Variants in TBL3 observed in about 807,000 individuals in gnomAD.
TBL3 encodes the protein transducin beta like 3.
TBL3 carries 71 observed loss-of-function variants against 102.7 expected under a neutral mutation model. That is an observed-to-expected ratio of 0.69 (90% CI 0.57 to 0.84). TBL3 has a LOEUF of 0.84. Among genes scored for constraint, TBL3 ranks in the 40% least tolerant of loss-of-function variants. The pLI, the probability that TBL3 is intolerant of heterozygous loss-of-function variation, is 0.00. For missense variants in TBL3, 1,188 were observed against 1,098.5 expected (o/e 1.08, Z -1.15); for synonymous variants, 578 against 477.7 (o/e 1.21, Z -2.74).
rs754548494 is a variant in TBL3, at chr16:1,979,518, G to A, written c.*833G>A. ...CTCATCTGCGCGGCTGCTCTCGTAG[G>A]CGCGGGAAGCACAGAACTGGGGACC... On this transcript the variant is annotated 3_prime_UTR_variant, in exon 22 of 22. Transcript: ENST00000568546. 2 of 1,611,320 alleles carry A rather than the reference G, an allele frequency of 1.2e-6. No individual in the cohort carries two copies. The highest frequency in any genetic ancestry group is 1.7e-5 in the Admixed American group (1 of 59,878).
intron 19 of TBL3, 35 bp from the exon 20 acceptor site, chr16:1,978,114 T>C: frequency 6.2e-7 from 1 of 1,611,370 alleles, no homozygotes; most frequent in Non-Finnish European, 8.5e-7. Flanking sequence ...CACTGGGCTC[T>C]GCTTTCCCCA....
Position 1,980,452 on chromosome 16 carries a change from CA to C in TBL3, c.*1768del. 6.2e-7 allele frequency: 1 copy of C among 1,601,824 alleles called. No individual in the cohort carries two copies. Among genetic ancestry groups the C allele is most frequent in the South Asian group, 1.1e-5 (1 of 91,068 alleles). On this transcript the variant is annotated 3_prime_UTR_variant, in exon 22 of 22. Transcript: ENST00000568546. ...GTCGGGCTCCGTGCCACGCGCTCTG[CA>C]GTCGCCAGCAGCCTCCGAGAATAGG... is the stretch of plus-strand genomic sequence containing the variant.
intron 4 of TBL3, 22 bp downstream of exon 4, chr16:1,974,445 G>A (rs1473957455): frequency 6.3e-7 from 1 of 1,599,896 alleles, no homozygotes; most frequent in Non-Finnish European, 8.5e-7. Flanking sequence ...GGGGCCTGGA[G>A]GGGACCCGCT....
At position 1,977,734 on chromosome 16, in the gene TBL3, A is replaced by G; in HGVS notation, c.1900-8A>G. The G allele has an allele frequency of 6.4e-7, 1 of 1,553,104 alleles. No individual in the cohort carries two copies. Among genetic ancestry groups the G allele is most frequent in the Non-Finnish European group, 8.7e-7 (1 of 1,147,752 alleles). The stretch of plus-strand genomic sequence containing the variant: ...TGGAGGCCCCATCTGACCCTAGTCT[A>G]ACCCCAGGATGTGACCGAGGCGGAG... On this transcript the variant is annotated splice_polypyrimidine_tract_variant and splice_region_variant and intron_variant, in intron 17 of 21. Coordinates refer to ENST00000568546, the MANE Select transcript of TBL3 (RefSeq NM_006453.3).
Position 1,980,679 on chromosome 16 carries a change from T to G in TBL3, c.*1994T>G. 3 of 1,607,118 alleles carry G rather than the reference T, an allele frequency of 1.9e-6. No homozygotes were observed. The highest frequency in any genetic ancestry group is 1.7e-6 in the Non-Finnish European group (2 of 1,177,250). ...ACCGAGAAGCTTTGGGAGAACGCGG[T>G]CAGATCTCCGCAGCAGGCCCGCCTC... On this transcript the variant is annotated 3_prime_UTR_variant, in exon 22 of 22. Coordinates refer to ENST00000568546, the MANE Select transcript of TBL3 (RefSeq NM_006453.3).
In TBL3 at chr16:1,975,009, G is replaced by A. The variant is rs2083388785; in HGVS notation, c.546G>A (p.Leu182=). The change falls in exon 7 of 22, where the codon CTG becomes CTA. Residue 182 remains leucine, a synonymous_variant. Transcript: ENST00000568546. ...ATGCCGCCATCCGCGTGTGGTCACT[G>A]CAGGACCGGTCATGCCTGGCTGTGC... is the stretch of plus-strand genomic sequence containing the variant. The part of the protein sequence containing the change: ...ATDAAIRVWS[L]QDRSCLAVLT... The A allele has an allele frequency of 1.9e-6, 3 of 1,607,280 alleles. No individual in the cohort carries two copies. The highest frequency in any genetic ancestry group is 2.5e-6 in the Non-Finnish European group (3 of 1,179,980).
chr16:1,974,155 G>T (rs781236489), intron 2 of TBL3, 42 bp from the exon 3 acceptor site: 5 of 1,565,134 alleles, frequency 3.2e-6, no homozygotes, highest in Non-Finnish European at 2.6e-6. Flanking sequence ...GAGGCCGCGG[G>T]GGGTGCTGAA....
In TBL3 at chr16:1,980,372, G is replaced by T. The variant is rs749740190; in HGVS notation, c.*1687G>T. 6.2e-7 allele frequency: 1 copy of T among 1,600,494 alleles called. No homozygotes were observed. ...GTTTGGGGCGAGTCAGGCACCTGCC[G>T]GGTGGCAGCGCGGGCTCCAGGTCCA... On this transcript the variant is annotated 3_prime_UTR_variant, in exon 22 of 22. Transcript: ENST00000568546.
At chr16:1,977,825 TC>T in intron 18 of TBL3, 25 bp downstream of exon 18, 1 of 1,559,388 alleles carries the variant, frequency 6.4e-7, no homozygotes, top group South Asian at 1.2e-5. Flanking sequence ...GTGGCGCCCC[TC>T]CCCGCATCAG....
In TBL3 at chr16:1,980,534, C is replaced by A; in HGVS notation, c.*1849C>A. On this transcript the variant is annotated 3_prime_UTR_variant, in exon 22 of 22. Coordinates refer to ENST00000568546, the MANE Select transcript of TBL3 (RefSeq NM_006453.3). The stretch of plus-strand genomic sequence containing the variant: ...GGCTCGTGCGCCCCACGCGTCCCAA[C>A]AGTGGTGCATCTTAAGGCACCACAA... 6.2e-7 allele frequency: 1 copy of A among 1,603,770 alleles called. No homozygotes were observed.
At position 1,978,920 on chromosome 16, in the gene TBL3, T is replaced by C; in HGVS notation, c.*235T>C. 8 of 1,120,562 alleles carry C rather than the reference T, an allele frequency of 7.1e-6. No homozygotes were observed. The South Asian group carries it at 7.2e-5, about 10-fold the overall frequency. 69.4% of individuals were successfully genotyped at this position (1,120,562 alleles called of 1,614,324 possible). A position where few individuals can be genotyped will look rare whatever the true frequency, so the allele number is the denominator to read the frequency against. ...CCGCACGCTTAGACGGTGGGGGTCATGCAGAACAAGCTTTACTCAGAGGAA... is the reference window on the plus strand; with the variant it reads ...CCGCACGCTTAGACGGTGGGGGTCACGCAGAACAAGCTTTACTCAGAGGAA... On this transcript the variant is annotated 3_prime_UTR_variant, in exon 22 of 22. Coordinates refer to ENST00000568546, the MANE Select transcript of TBL3 (RefSeq NM_006453.3).
chr16:1,980,393 G>C lies in TBL3; in HGVS notation c.*1708G>C, dbSNP rs1265856300. 1.5e-5 allele frequency: 24 copies of C among 1,602,836 alleles called. No homozygotes were observed. The highest frequency in any genetic ancestry group is 1.9e-5 in the Non-Finnish European group (23 of 1,179,776). On this transcript the variant is annotated 3_prime_UTR_variant, in exon 22 of 22. Transcript: ENST00000568546. Reference sequence around the variant, plus strand: ...TGCCGGGTGGCAGCGCGGGCTCCAGGTCCAGGGGTTGCGGTGCGAAGAAGC... The same window carrying C: ...TGCCGGGTGGCAGCGCGGGCTCCAGCTCCAGGGGTTGCGGTGCGAAGAAGC...
At chr16:1,974,455 T>C (rs2083383065) in intron 4 of TBL3, 32 bp downstream of exon 4, 1 of 1,593,658 alleles carries the variant, frequency 6.3e-7, no homozygotes, top group Non-Finnish European at 8.5e-7. Flanking sequence ...GGGGACCCGC[T>C]CCAGCGCCTC....
In TBL3 at chr16:1,976,276, C is replaced by T. The variant is rs558798562; in HGVS notation, c.1254C>T (p.Ser418=). 51 of 1,613,908 alleles carry T rather than the reference C, an allele frequency of 3.2e-5. No homozygotes were observed. The highest frequency in any genetic ancestry group is 3.6e-5 in the Non-Finnish European group (43 of 1,180,000). Residue 418 remains serine, a synonymous_variant, in exon 13 of 22, where the codon TCC becomes TCT. Transcript: ENST00000568546. ...AGGTGATGTGCGTGGCTCAGGGTTC[C>T]GGTCACACACACAGTGTGGGCACCG... ...AGQVMCVAQG[S]GHTHSVGTVC...
rs1048006528 is a variant in TBL3, at chr16:1,981,442, C to T, written c.*2757C>T. 1.3e-5 allele frequency: 11 copies of T among 823,742 alleles called. No individual in the cohort carries two copies. Among genetic ancestry groups the T allele is most frequent in the Non-Finnish European group, 2.0e-5 (11 of 554,772 alleles). The allele number at this position is 823,742 out of a possible 1,614,324, so 51.0% of individuals were successfully genotyped here. A position where few individuals can be genotyped will look rare whatever the true frequency, so the allele number is the denominator to read the frequency against. On this transcript the variant is annotated 3_prime_UTR_variant, in exon 22 of 22. Coordinates refer to ENST00000568546, the MANE Select transcript of TBL3 (RefSeq NM_006453.3). ...TGCTGGGAGGAAGAAGAAGAATGAG[C>T]TTTCCAGCCCTGGAGGCGTGCAAGA...
rs147673860 is a variant in TBL3 at position 1,975,641 on chromosome 16, G to C, written c.918G>C (p.Val306=). The change falls in exon 10 of 22, where the codon GTG becomes GTC. Residue 306 remains valine (V), a synonymous_variant. Transcript: ENST00000568546. ...THCTLAHTAG[V]VLTATADHNL... ...GCACCCTGGCACACACCGCCGGCGT[G>C]GTCCTCACCGCCACCGCCGACCACA... is the stretch of plus-strand genomic sequence containing the variant. 2 of 1,605,576 alleles carry C rather than the reference G, an allele frequency of 1.2e-6. No individual in the cohort carries two copies. The highest frequency in any genetic ancestry group is 1.1e-5 in the South Asian group (1 of 91,052).
chr16:1,982,591 C>A lies in TBL3; in HGVS notation c.*3906C>A. 1 of 152,472 alleles carries A rather than the reference C, an allele frequency of 6.6e-6. No individual in the cohort carries two copies. 9.4% of individuals were successfully genotyped at this position (152,472 alleles called of 1,614,324 possible). A position where few individuals can be genotyped will look rare whatever the true frequency, so the allele number is the denominator to read the frequency against. ...CTTTTCTTGCCTGAATAGTACACCC[C>A]ACCCTCCATCTGTATGCTCCTCACT... On this transcript the variant is annotated 3_prime_UTR_variant, in exon 22 of 22. Coordinates refer to ENST00000568546, the MANE Select transcript of TBL3 (RefSeq NM_006453.3).
At position 1,981,642 on chromosome 16, in the gene TBL3, T is replaced by C. The variant is rs2083512638; in HGVS notation, c.*2957T>C. 1 of 180,806 alleles carries C rather than the reference T, an allele frequency of 5.5e-6. No homozygotes were observed. The highest frequency in any genetic ancestry group is 1.2e-5 in the Non-Finnish European group (1 of 84,884). The allele number at this position is 180,806 out of a possible 1,614,324, so 11.2% of individuals were successfully genotyped here. On this transcript the variant is annotated 3_prime_UTR_variant, in exon 22 of 22. Transcript: ENST00000568546. ...GCCCTGCCAGGGTGCGCCCAACAAC[T>C]TTGAACTGGCCTGGGGATTTCTGTG... is the stretch of plus-strand genomic sequence containing the variant.
rs1157042888 is a variant in TBL3 at position 1,982,779 on chromosome 16, G to A, written c.*4094G>A. On this transcript the variant is annotated 3_prime_UTR_variant, in exon 22 of 22. Transcript: ENST00000568546. ...GTGCCCCCCAAAAATACAAAAATTA[G>A]CTGGGCGTGGTGGCGTGTGCCTGTA... The A allele has an allele frequency of 1.3e-5, 2 of 152,136 alleles. No homozygotes were observed. The highest frequency in any genetic ancestry group is 3.9e-4 in the East Asian group (2 of 5,186). The allele number at this position is 152,136 out of a possible 1,614,324, so 9.4% of individuals were successfully genotyped here.
Sources: gnomAD v4.1 joint callset for allele counts on GRCh38, gnomAD v4.1.1 for gene constraint, MANE v1.5 for transcripts, NCBI Gene and HGNC (gene_info 2026-07-23, HGNC 2026-07-21) for gene names.